ZNF727: variants seen among roughly 807,000 people sequenced by gnomAD.
ZNF727 encodes putative zinc finger protein 727.
In ZNF727, 11 loss-of-function variants were observed where a neutral mutation model predicts 11.5. The ratio of observed to expected loss-of-function variants is 0.95; its 90% CI spans 0.60 to 1.58. The LOEUF (loss-of-function observed/expected upper bound fraction) is 1.58. ZNF727 is among the 40% of genes most tolerant of loss of function. ZNF727 has a pLI of 0.00. For missense variants in ZNF727, 533 were observed against 581.7 expected (o/e 0.92, Z 0.86); for synonymous variants, 171 against 196.1 (o/e 0.87, Z 1.07).
chr7:64,054,750 ATC>A (rs1446965227), intron 1 of ZNF727, among the ~76,000 whole-genome samples: 3 of 152,230 alleles, frequency 2.0e-5, no homozygotes, highest in Non-Finnish European at 4.4e-5. Context: ...AAAAATAGAT[ATC>A]TCTCTGTAGT....
At position 64,055,399 on chromosome 7, in the gene ZNF727, G is replaced by A. The variant is rs555487617; in HGVS notation, c.3+9775G>A. ...CACCACTGCACTCCAGCCTGGCAAC[G>A]GAGTGAGACTTCATCTCAAAAAAAA... is the stretch of plus-strand genomic sequence containing the variant. On this transcript the variant is annotated intron_variant, in intron 1 of 3. Transcript: ENST00000456806. Among the ~76,000 whole-genome samples the A allele has an allele frequency of 3.7e-3, 520 of 140,642 alleles. 3 individuals are homozygous for A. Among genetic ancestry groups the A allele is most frequent in the African/African-American group, 0.013 (488 of 38,494 alleles). The allele number at this position is 140,642 out of a possible 152,430, so 92.3% of individuals were successfully genotyped here. A position where few individuals can be genotyped will look rare whatever the true frequency, so the allele number is the denominator to read the frequency against.
In ZNF727 at chr7:64,078,234, C is replaced by G. The variant is rs376865671; in HGVS notation, c.1185C>G (p.Pro395=). 2.1e-5 allele frequency: 33 copies of G among 1,606,526 alleles called. No individual in the cohort carries two copies. In the African/African-American group the frequency reaches 4.3e-4, roughly 21 times the overall value. Residue 395 remains proline (P), a synonymous_variant, in exon 4 of 4, where the codon CCC becomes CCG. Transcript: ENST00000456806. ...AGAGAATTCACACTGGAGAGAAACC[C>G]TACAAATGTGAAGAATGTGGCAAAA... The part of the protein sequence containing the change: ...NHKRIHTGEK[P]YKCEECGKSF...
rs1245971370 is a variant in ZNF727 at position 64,078,102 on chromosome 7, C to T, written c.1053C>T (p.Tyr351=). Residue 351 remains tyrosine, a synonymous_variant, in exon 4 of 4, where the codon TAC becomes TAT. Coordinates refer to ENST00000456806, the MANE Select transcript of ZNF727 (RefSeq NM_001159522.3). ...AAGAATGTGGCAAAGCCTTTACCTA[C>T]TCCTCAACCCTTATTAGCCACAAGA... ...ICEECGKAFT[Y]SSTLISHKRI... The T allele has an allele frequency of 1.2e-6, 2 of 1,609,070 alleles. No individual in the cohort carries two copies. The highest frequency in any genetic ancestry group is 1.7e-6 in the Non-Finnish European group (2 of 1,177,604).
In ZNF727 at chr7:64,060,779, A is replaced by G. The variant is rs552180969; in HGVS notation, c.4-8112A>G. 6.2e-4 allele frequency among the ~76,000 whole-genome samples: 95 copies of G among 152,114 alleles called. 2 individuals are homozygous for G. In the South Asian group the frequency reaches 0.019, roughly 31 times the overall value. ...TTTTCTAGTTCTATATGATACATCA[A>G]TAGTTTATTTGGAGTTTTTTTTTAA... On this transcript the variant is annotated intron_variant, in intron 1 of 3. Transcript: ENST00000456806.
chr7:64,061,361 G>C (rs969936403), intron 1 of ZNF727, among the ~76,000 whole-genome samples: 18 of 151,802 alleles, frequency 1.2e-4, no homozygotes, highest in Non-Finnish European at 1.0e-4. Context: ...TCCAGTGTTA[G>C]GTGCATATAA....
rs1374259368 is a variant in ZNF727, at chr7:64,079,908, C to T, written c.*1359C>T. Reference sequence around the variant, plus strand: ...TGAATACGATCATATTTATTTTTTGCTTCTGAAGCTTACTTTGGCCGGATG... The same window carrying T: ...TGAATACGATCATATTTATTTTTTGTTTCTGAAGCTTACTTTGGCCGGATG... On this transcript the variant is annotated 3_prime_UTR_variant, in exon 4 of 4. Transcript: ENST00000456806. Among the ~76,000 whole-genome samples, 2 of 152,068 alleles carry T rather than the reference C, an allele frequency of 1.3e-5. No homozygotes were observed. The highest frequency in any genetic ancestry group is 2.4e-5 in the African/African-American group (1 of 41,408).
chr7:64,068,843 T>G, intron 1 of ZNF727, 48 bp from the exon 2 acceptor site: 1 of 1,551,416 alleles, frequency 6.4e-7, no homozygotes, highest in Non-Finnish European at 8.7e-7. Flanking sequence ...TGATGTCAAA[T>G]CAAGAATTAT....
intron 1 of ZNF727, among the ~76,000 whole-genome samples, chr7:64,060,807 T>A (rs1274929283): frequency 2.6e-5 from 4 of 152,058 alleles, no homozygotes; most frequent in Non-Finnish European, 4.4e-5. Context: ...TTTTTTAAAC[T>A]TTTTTTGATG....
intron 1 of ZNF727, among the ~76,000 whole-genome samples, chr7:64,066,737 C>T (rs1389037386): frequency 1.3e-5 from 2 of 152,142 alleles, no homozygotes; most frequent in Non-Finnish European, 2.9e-5. Flanking sequence ...AGGACATAGT[C>T]GTGGGCAAAG....
At position 64,078,348 on chromosome 7, in the gene ZNF727, T is replaced by C. The variant is rs1183026895; in HGVS notation, c.1299T>C (p.Phe433=). 6.3e-7 allele frequency: 1 copy of C among 1,577,926 alleles called. No homozygotes were observed. The highest frequency in any genetic ancestry group is 1.1e-5 in the South Asian group (1 of 87,008). ...PYKCEECGKT[F]KWFPDLTNHK... ...AATGTGAAGAATGTGGCAAAACCTT[T>C]AAGTGGTTCCCAGACCTGACTAATC... The change falls in exon 4 of 4, where the codon TTT becomes TTC. Residue 433 remains phenylalanine (F), a synonymous_variant. Transcript: ENST00000456806.
intron 1 of ZNF727, 100 bp downstream of exon 1, chr7:64,045,724 A>C (rs1789491031): frequency 4.1e-6 from 6 of 1,457,042 alleles, no homozygotes; most frequent in Non-Finnish European, 5.6e-6. Context: ...TCAGCTCTGC[A>C]GCAGCTCCGA....
At chr7:64,069,083 T>G (rs1789917836) in intron 2 of ZNF727, 66 bp downstream of exon 2, 1 of 1,374,288 alleles carries the variant, frequency 7.3e-7, no homozygotes, top group Non-Finnish European at 9.7e-7. Context: ...TTTTTTTTTT[T>G]GAAGTTCTGC....
intron 1 of ZNF727, among the ~76,000 whole-genome samples, chr7:64,060,928 C>T (rs533761111): frequency 1.3e-5 from 2 of 151,856 alleles, no homozygotes; most frequent in East Asian, 3.9e-4. Flanking sequence ...CTGTATTGGC[C>T]CACCAGTCAT....
chr7:64,069,967 G>T (rs1201607768), intron 3 of ZNF727, among the ~76,000 whole-genome samples: 1 of 151,942 alleles, frequency 6.6e-6, no homozygotes, highest in African/African-American at 2.4e-5. Context: ...CTATTTTTGA[G>T]AAACTATATT....
At chr7:64,066,259 C>T (rs2861505) in intron 1 of ZNF727, among the ~76,000 whole-genome samples, 2,764 of 152,194 alleles carry the variant, frequency 0.018, 162 homozygotes, top group East Asian at 0.18. Context: ...ATGCTATTCC[C>T]GTCAAGTTAC....
intron 3 of ZNF727, among the ~76,000 whole-genome samples, chr7:64,073,021 T>G (rs1239913516): frequency 2.0e-5 from 3 of 152,188 alleles, no homozygotes; most frequent in Non-Finnish European, 4.4e-5. Flanking sequence ...ATAAGACTGT[T>G]CTAGGGGTAA....
chr7:64,063,812 C>T (rs981971266), intron 1 of ZNF727, among the ~76,000 whole-genome samples: 2 of 152,096 alleles, frequency 1.3e-5, no homozygotes, highest in Non-Finnish European at 2.9e-5. Context: ...CCCTATTCTG[C>T]TGTGGCTTAG....
intron 1 of ZNF727, among the ~76,000 whole-genome samples, chr7:64,048,190 A>T (rs1224064929): frequency 6.6e-6 from 1 of 152,090 alleles, no homozygotes; most frequent in Non-Finnish European, 1.5e-5. Flanking sequence ...TTGAAAGATT[A>T]AAAAAAACCA....
In ZNF727 at chr7:64,077,911, G is replaced by C. The variant is rs1362961958; in HGVS notation, c.862G>C (p.Glu288Gln). 3 of 1,587,456 alleles carry C rather than the reference G, an allele frequency of 1.9e-6. No individual in the cohort carries two copies. Among genetic ancestry groups the C allele is most frequent in the Non-Finnish European group, 2.6e-6 (3 of 1,166,262 alleles). Reference sequence around the variant, plus strand: ...TGGAGAGAAACCCTACAAATGTAAAGAATGTCACAAAGCCTTTAGGTGTTG... The same window carrying C: ...TGGAGAGAAACCCTACAAATGTAAACAATGTCACAAAGCCTTTAGGTGTTG... ...HTGEKPYKCK[E>Q]CHKAFRCCSD... The change falls in exon 4 of 4, where the codon GAA becomes CAA. Residue 288 changes from glutamate to glutamine, a missense_variant. Physicochemically the swap from Glu to Gln is conservative, Grantham distance 29. Coordinates refer to ENST00000456806, the MANE Select transcript of ZNF727 (RefSeq NM_001159522.3).
Sources: allele counts gnomAD v4.1 joint callset (sites outside exome capture counted in the v4.1 genomes callset), GRCh38; gene constraint gnomAD v4.1.1; transcripts MANE v1.5; gene names NCBI Gene and HGNC (gene_info 2026-07-23, HGNC 2026-07-21).